Variants in MTUS2 observed in about 807,000 individuals in gnomAD.
MTUS2 encodes microtubule-associated tumor suppressor candidate 2.
In MTUS2, 40 loss-of-function variants were observed where a neutral mutation model predicts 114.1. That is an observed-to-expected ratio of 0.35 (90% CI 0.27 to 0.46). The LOEUF is 0.46. MTUS2 is among the 20% of genes least tolerant of loss of function. The pLI is 1.00. For missense variants in MTUS2, 1,679 were observed against 1,705.4 expected (o/e 0.98, Z 0.27); for synonymous variants, 688 against 672.0 (o/e 1.02, Z -0.37).
rs551818455 is a variant in MTUS2 at position 29,335,776 on chromosome 13, A to G, written c.2905+11065A>G. ...GAAGTTCTGCTAGATAATATCCTGA[A>G]GAGTGTTTTCCAACTTGGTTCCTTT... On this transcript the variant is annotated intron_variant, in intron 7 of 15. Coordinates refer to ENST00000612955, the MANE Select transcript of MTUS2 (RefSeq NM_001033602.4). 6.6e-5 allele frequency among the ~76,000 whole-genome samples: 10 copies of G among 152,348 alleles called. No homozygotes were observed. In the South Asian group the frequency reaches 1.2e-3, roughly 19 times the overall value.
intron 12 of MTUS2, among the ~76,000 whole-genome samples, chr13:29,494,930 A>G (rs575310016): frequency 4.3e-4 from 65 of 152,148 alleles, no homozygotes; most frequent in Middle Eastern, 3.4e-3. Context: ...TCACGTTTGT[A>G]TTCCCAGCAC....
intron 2 of MTUS2, among the ~76,000 whole-genome samples, chr13:28,887,605 C>T (rs1878667764): frequency 6.6e-6 from 1 of 152,284 alleles, no homozygotes; most frequent in Admixed American, 6.5e-5. Context: ...AAGCTGAGCT[C>T]TGGACTTCAG....
chr13:28,826,176 A>G (rs1054986251), intron 1 of MTUS2, among the ~76,000 whole-genome samples: 6 of 152,202 alleles, frequency 3.9e-5, no homozygotes, highest in African/African-American at 1.4e-4. Context: ...GCTCTTATTA[A>G]TTATAACCTT....
chr13:28,891,966 TC>T (rs1878958073), intron 2 of MTUS2, among the ~76,000 whole-genome samples: 1 of 151,336 alleles, frequency 6.6e-6, no homozygotes, highest in Non-Finnish European at 1.5e-5. Context: ...TCCCCTAAGA[TC>T]CGGCTCAGCT....
chr13:28,936,926 G>A (rs1458101570), intron 2 of MTUS2, among the ~76,000 whole-genome samples: 1 of 152,166 alleles, frequency 6.6e-6, no homozygotes, highest in African/African-American at 2.4e-5. Flanking sequence ...TTGTTCCTTT[G>A]TGCTGTAACA....
At chr13:29,148,899 AT>A (rs1386917352) in intron 5 of MTUS2, among the ~76,000 whole-genome samples, 10 of 152,140 alleles carry the variant, frequency 6.6e-5, no homozygotes, top group African/African-American at 2.4e-4. Context: ...TCCATGGTGT[AT>A]ATGTACCACA....
intron 2 of MTUS2, among the ~76,000 whole-genome samples, chr13:28,998,936 G>T (rs1885250820): frequency 6.6e-6 from 1 of 152,184 alleles, no homozygotes; most frequent in Non-Finnish European, 1.5e-5. Context: ...CTGGTGAGGA[G>T]CTGCGTTCCT....
At chr13:28,939,568 T>C (rs955240637) in intron 2 of MTUS2, among the ~76,000 whole-genome samples, 1 of 152,194 alleles carries the variant, frequency 6.6e-6, no homozygotes, top group Non-Finnish European at 1.5e-5. Flanking sequence ...AATTGAGTGT[T>C]TGCTTTATGC....
chr13:29,160,551 A>G (rs1414855940), intron 5 of MTUS2, among the ~76,000 whole-genome samples: 1 of 152,160 alleles, frequency 6.6e-6, no homozygotes, highest in East Asian at 1.9e-4. Flanking sequence ...CCGGCAGATC[A>G]TGAGGTCAGG....
intron 5 of MTUS2, among the ~76,000 whole-genome samples, chr13:29,280,258 C>T (rs17656152): frequency 0.011 from 1,716 of 152,286 alleles, 25 homozygotes; most frequent in South Asian, 0.018. Context: ...AGTGCAGATC[C>T]TTTCAATGGA....
intron 2 of MTUS2, among the ~76,000 whole-genome samples, chr13:28,882,779 C>T (rs1442216130): frequency 6.6e-6 from 1 of 151,956 alleles, no homozygotes; most frequent in Admixed American, 6.6e-5. Context: ...CTAAAAACTG[C>T]TTTTCAAAAG....
At chr13:29,303,634 T>A (rs1048507153) in intron 6 of MTUS2, among the ~76,000 whole-genome samples, 5 of 152,042 alleles carry the variant, frequency 3.3e-5, no homozygotes, top group African/African-American at 1.2e-4. Context: ...AATATGAGAT[T>A]ATGTAAAGAG....
chr13:29,213,102 C>G (rs1418087531), intron 5 of MTUS2, among the ~76,000 whole-genome samples: 1 of 152,166 alleles, frequency 6.6e-6, no homozygotes, highest in Non-Finnish European at 1.5e-5. Context: ...AATGTTAGAA[C>G]AAAAGATTCT....
chr13:29,195,835 G>T (rs1216059858), intron 5 of MTUS2, among the ~76,000 whole-genome samples: 1 of 152,138 alleles, frequency 6.6e-6, no homozygotes, highest in Non-Finnish European at 1.5e-5. Context: ...TGGTATTTTT[G>T]GGAGCAGTAA....
At chr13:28,874,916 T>A (rs572842668) in intron 2 of MTUS2, among the ~76,000 whole-genome samples, 3 of 152,316 alleles carry the variant, frequency 2.0e-5, no homozygotes, top group African/African-American at 7.2e-5. Context: ...GTATCAATTA[T>A]CATGAGAGAA....
intron 1 of MTUS2, among the ~76,000 whole-genome samples, chr13:28,838,002 A>G (rs911414064): frequency 6.7e-6 from 1 of 150,136 alleles, no homozygotes; most frequent in Non-Finnish European, 1.5e-5. Context: ...TAGCATGTCA[A>G]CTTTGACTTC....
chr13:28,925,602 C>T (rs1386631985), intron 2 of MTUS2, among the ~76,000 whole-genome samples: 1 of 152,126 alleles, frequency 6.6e-6, no homozygotes, highest in Non-Finnish European at 1.5e-5. Context: ...GAAACTCTAC[C>T]TCATGGTTAA....
intron 2 of MTUS2, among the ~76,000 whole-genome samples, chr13:28,906,309 T>A (rs1880009497): frequency 6.6e-6 from 1 of 151,300 alleles, no homozygotes; most frequent in East Asian, 1.9e-4. Context: ...TTTGAATGTG[T>A]TTGCTCTTGC....
intron 8 of MTUS2, among the ~76,000 whole-genome samples, chr13:29,389,142 CAG>C (rs1276739919): frequency 6.6e-6 from 1 of 151,220 alleles, no homozygotes; most frequent in Non-Finnish European, 1.5e-5. Context: ...GTTTTCCTGA[CAG>C]AGAGGAGAAA....
Sources: gnomAD v4.1 joint callset for allele counts (sites outside exome capture counted in the v4.1 genomes callset) on GRCh38, gnomAD v4.1.1 for gene constraint, MANE v1.5 for transcripts, NCBI Gene and HGNC (gene_info 2026-07-23, HGNC 2026-07-21) for gene names.